The following OSBPL9 variants were observed in gnomAD, a reference collection of about 807,000 sequenced individuals.
OSBPL9 encodes oxysterol-binding protein-related protein 9.
OSBPL9 carries 40 observed loss-of-function variants against 106.6 expected under a neutral mutation model. That is an observed-to-expected ratio of 0.38 (90% CI 0.29 to 0.49). OSBPL9 has a LOEUF of 0.49. Among genes scored for constraint, OSBPL9 ranks in the 20% least tolerant of loss-of-function variants. The pLI is 0.97. For missense variants in OSBPL9, 609 were observed against 887.2 expected (o/e 0.69, Z 3.98); for synonymous variants, 269 against 295.4 (o/e 0.91, Z 0.92).
chr1:51,550,899 G>T, the OSBPL9 span, among the ~76,000 whole-genome samples: 3 of 152,186 alleles, frequency 2.0e-5, no homozygotes, highest in Admixed American at 2.0e-4. Flanking sequence ...TTTATTTACT[G>T]ATAACTAATT....
chr1:51,716,946 G>T (rs1661173139), intron 4 of OSBPL9, among the ~76,000 whole-genome samples: 1 of 151,600 alleles, frequency 6.6e-6, no homozygotes, highest in South Asian at 2.1e-4. Context: ...CTACATAATA[G>T]TGCTTCCCAG....
rs771824863 is a variant in OSBPL9 at position 51,669,591 on chromosome 1, A to T, written c.241+79A>T. The T allele has an allele frequency of 4.2e-6, 6 of 1,413,234 alleles. No individual in the cohort carries two copies. In the South Asian group the frequency reaches 7.2e-5, roughly 17 times the overall value. The allele number at this position is 1,413,234 out of a possible 1,614,324, so 87.5% of individuals were successfully genotyped here. On this transcript the variant is annotated intron_variant, in intron 3 of 23. Transcript: ENST00000428468. ...TCTCTTTTGGGTTGTTTGCTGGATGACTTGAATGGTTTTGCAACTGATCCT... is the reference window on the plus strand; with the variant it reads ...TCTCTTTTGGGTTGTTTGCTGGATGTCTTGAATGGTTTTGCAACTGATCCT...
Position 51,729,788 on chromosome 1 carries a change from G to A in OSBPL9, c.318+15709G>A. On this transcript the variant is annotated intron_variant, in intron 4 of 23. Transcript: ENST00000428468. This position sits in a 1 kb window ranked among gnomAD's most constrained non-coding sequence, Gnocchi z 5.1. The stretch of plus-strand genomic sequence containing the variant: ...CCAATCGGGGCGACCCCTCCGCCGG[G>A]GAGGGGACGGGAAAGGGGTGGGGGG... 2 of 1,229,162 alleles carry A rather than the reference G, an allele frequency of 1.6e-6. No homozygotes were observed. Among genetic ancestry groups the A allele is most frequent in the Non-Finnish European group, 2.0e-6 (2 of 978,150 alleles). 76.1% of individuals were successfully genotyped at this position (1,229,162 alleles called of 1,614,324 possible).
the OSBPL9 span, chr1:51,519,285 G>C: frequency 3.7e-6 from 4 of 1,091,152 alleles, no homozygotes; most frequent in African/African-American, 6.5e-5. Flanking sequence ...TGGGGCTCGG[G>C]GCGGGGAGGA....
the OSBPL9 span, among the ~76,000 whole-genome samples, chr1:51,557,372 C>A: frequency 6.6e-6 from 1 of 152,156 alleles, no homozygotes; most frequent in Admixed American, 6.6e-5. Flanking sequence ...GAGTTGTCAG[C>A]AGTCTTGTTA....
upstream of OSBPL9, among the ~76,000 whole-genome samples, chr1:51,613,783 C>G (rs1383384968): frequency 6.6e-6 from 1 of 151,370 alleles, no homozygotes; most frequent in Non-Finnish European, 1.5e-5. Flanking sequence ...GTTGCCTTGC[C>G]TAGGCTGGAG....
chr1:51,772,355 A>C (rs1674107248), intron 13 of OSBPL9, among the ~76,000 whole-genome samples, 173 bp downstream of exon 13: 4 of 152,178 alleles, frequency 2.6e-5, no homozygotes, highest in Admixed American at 2.6e-4. Context: ...CTACTAAAAA[A>C]ATACAAAAAA....
chr1:51,554,970 A>G, the OSBPL9 span, among the ~76,000 whole-genome samples: 1 of 152,360 alleles, frequency 6.6e-6, no homozygotes, highest in South Asian at 2.1e-4. Flanking sequence ...TACAAGGGTT[A>G]TTAATAACAC....
chr1:51,592,728 T>C (rs1645283079), intron 1 of OSBPL9, among the ~76,000 whole-genome samples: 1 of 152,232 alleles, frequency 6.6e-6, no homozygotes, highest in African/African-American at 2.4e-5. Flanking sequence ...ATCAACTGCC[T>C]GGGGCTTGAA....
At chr1:51,740,392 A>G (rs958976004) in intron 4 of OSBPL9, among the ~76,000 whole-genome samples, 1 of 151,984 alleles carries the variant, frequency 6.6e-6, no homozygotes, top group Non-Finnish European at 1.5e-5. Flanking sequence ...GTGTTTTACT[A>G]ATTAAAAAAA....
chr1:51,555,695 G>A, the OSBPL9 span, among the ~76,000 whole-genome samples: 1 of 151,892 alleles, frequency 6.6e-6, no homozygotes, highest in African/African-American at 2.4e-5. Context: ...AGCCTCCTGA[G>A]TATCTGAGAT....
At chr1:51,552,812 G>A in the OSBPL9 span, among the ~76,000 whole-genome samples, 12,530 of 151,628 alleles carry the variant, frequency 0.083, 592 homozygotes, top group African/African-American at 0.11. Context: ...TTTAGTAGAG[G>A]TGGGGTTTCA....
intron 4 of OSBPL9, among the ~76,000 whole-genome samples, chr1:51,739,916 CAA>C (rs1215753476): frequency 6.6e-6 from 1 of 151,854 alleles, no homozygotes; most frequent in African/African-American, 2.4e-5. Flanking sequence ...GGTAGGGAGA[CAA>C]GATGTCATTT....
chr1:51,775,260 TTATATTTTC>T (rs1196380632), intron 14 of OSBPL9, among the ~76,000 whole-genome samples: 1 of 152,200 alleles, frequency 6.6e-6, no homozygotes, highest in Non-Finnish European at 1.5e-5. Flanking sequence ...TCAGCCCACT[TTATATTTTC>T]ATTATATGTC....
Position 51,787,700 on chromosome 1 carries a change from C to T in OSBPL9, c.2137-15C>T. 5.0e-6 allele frequency: 8 copies of T among 1,609,994 alleles called. No homozygotes were observed. Among genetic ancestry groups the T allele is most frequent in the Non-Finnish European group, 6.8e-6 (8 of 1,176,472 alleles). ...AAGCAAATATGTAACTAAATTCTTC[C>T]TCTTTGTCTTACAGTTATTTCATGA... is the stretch of plus-strand genomic sequence containing the variant. On this transcript the variant is annotated splice_polypyrimidine_tract_variant and intron_variant, in intron 23 of 23. Transcript: ENST00000428468.
intron 2 of OSBPL9, among the ~76,000 whole-genome samples, chr1:51,663,509 G>A (rs1006657199): frequency 6.6e-6 from 1 of 152,154 alleles, no homozygotes; most frequent in African/African-American, 2.4e-5. Context: ...TTTTAAATTG[G>A]AGGATTTACT....
chr1:51,669,726 G>T, intron 3 of OSBPL9: 2 of 655,886 alleles, frequency 3.0e-6, no homozygotes, highest in South Asian at 3.0e-5. Flanking sequence ...GGATCTGGCT[G>T]CAGTTGGAGA....
chr1:51,609,748 AT>A (rs778782937), intron 2 of OSBPL9, among the ~76,000 whole-genome samples: 2,754 of 119,060 alleles, frequency 0.023, 24 homozygotes, highest in African/African-American at 0.035. Flanking sequence ...CTGAATGTCT[AT>A]TTTTTTTTTT....
the OSBPL9 span, among the ~76,000 whole-genome samples, chr1:51,535,015 G>T: frequency 2.0e-5 from 3 of 152,134 alleles, no homozygotes; most frequent in Non-Finnish European, 4.4e-5. Flanking sequence ...TCAACCCCCT[G>T]TTATAACTTA....
Sources: gnomAD v4.1 joint callset for allele counts (sites outside exome capture counted in the v4.1 genomes callset) on GRCh38, gnomAD v4.1.1 for gene constraint, Gnocchi (gnomAD v3.1) non-coding constraint, MANE v1.5 for transcripts, NCBI Gene and HGNC (gene_info 2026-07-23, HGNC 2026-07-21) for gene names.